BCL2L11: variants seen among roughly 807,000 people sequenced by gnomAD.
BCL2L11 encodes the protein bcl-2-like protein 11.
Under a neutral mutation model 20.6 loss-of-function variants are expected in BCL2L11, and 15 were observed. The observed-to-expected ratio is 0.73, with a 90% confidence interval of 0.49 to 1.12. BCL2L11 has a LOEUF of 1.12. Among genes scored for constraint, BCL2L11 ranks in the 50% most tolerant of loss-of-function variants. The pLI is 0.00. For synonymous variants in BCL2L11, 108 were observed against 92.8 expected (o/e 1.16, Z -0.94); for missense variants, 292 against 260.9 (o/e 1.12, Z -0.82).
chr2:111,154,353 G>GAAAAA (rs556911619), intron 3 of BCL2L11, among the ~76,000 whole-genome samples: 7 of 104,492 alleles, frequency 6.7e-5, no homozygotes, highest in African/African-American at 2.0e-4. Context: ...GCCCTTCTCA[G>GAAAAA]AAAAAAAAAA....
At chr2:111,128,237 C>T (rs182668253) in intron 2 of BCL2L11, among the ~76,000 whole-genome samples, 4 of 152,146 alleles carry the variant, frequency 2.6e-5, no homozygotes, top group Admixed American at 6.5e-5. Flanking sequence ...AGCGTAATGT[C>T]GTCAGGGTTC....
chr2:111,137,002 C>T (rs1338784943), intron 2 of BCL2L11, among the ~76,000 whole-genome samples: 1 of 152,202 alleles, frequency 6.6e-6, no homozygotes, highest in Non-Finnish European at 1.5e-5. Flanking sequence ...GTGTGTGACT[C>T]TCATGGTGTG....
chr2:111,129,825 C>T (rs1340243763), intron 2 of BCL2L11, among the ~76,000 whole-genome samples: 1 of 152,200 alleles, frequency 6.6e-6, no homozygotes, highest in African/African-American at 2.4e-5. Context: ...CATATCTGTA[C>T]TTTTGTCATT....
intron 2 of BCL2L11, chr2:111,131,416 A>G (rs966861760): frequency 3.3e-5 from 5 of 152,248 alleles, no homozygotes; most frequent in Non-Finnish European, 7.4e-5. Flanking sequence ...TAGCATTCCA[A>G]TATTTTTAAT....
intron 2 of BCL2L11, among the ~76,000 whole-genome samples, chr2:111,147,060 G>GT (rs950158959): frequency 3.3e-5 from 5 of 152,116 alleles, no homozygotes. Flanking sequence ...GTAATTTATA[G>GT]TATCTATTTC....
intron 2 of BCL2L11, chr2:111,144,547 G>A (rs114702002): frequency 0.018 from 28,004 of 1,549,116 alleles, 313 homozygotes; most frequent in Non-Finnish European, 0.02. Context: ...AACATAAGGG[G>A]GCTGGTCTGT....
chr2:111,126,853 G>A (rs931709905), intron 2 of BCL2L11, among the ~76,000 whole-genome samples: 3 of 152,144 alleles, frequency 2.0e-5, no homozygotes, highest in African/African-American at 7.2e-5. Flanking sequence ...CTTAGCCAGG[G>A]GCTCCTTTAG....
At chr2:111,160,828 T>C (rs1274380959) in intron 3 of BCL2L11, among the ~76,000 whole-genome samples, 1 of 152,180 alleles carries the variant, frequency 6.6e-6, no homozygotes, top group Non-Finnish European at 1.5e-5. Flanking sequence ...TAAAACAGAG[T>C]TACCCAACTC....
At position 111,162,289 on chromosome 2, in the gene BCL2L11, G is replaced by T. The variant is rs939006636; in HGVS notation, c.499-1844G>T. Among the ~76,000 whole-genome samples the T allele has an allele frequency of 8.5e-5, 13 of 152,272 alleles. No homozygotes were observed. In the South Asian group the frequency reaches 2.1e-3, roughly 24 times the overall value. ...AAGCGTGTGCCATGTTGTCATGCCC[G>T]CCGTCTGAGAGGGCAGGCATCCCCG... On this transcript the variant is annotated intron_variant, in intron 3 of 3. Coordinates refer to ENST00000393256, the MANE Select transcript of BCL2L11 (RefSeq NM_138621.5).
rs1023239869 is a variant in BCL2L11 at position 111,167,509 on chromosome 2, T to A, written c.*3278T>A. 3 of 152,266 alleles carry A rather than the reference T, an allele frequency of 2.0e-5. No homozygotes were observed. The highest frequency in any genetic ancestry group is 4.4e-5 in the Non-Finnish European group (3 of 68,048). The allele number at this position is 152,266 out of a possible 1,614,324, so 9.4% of individuals were successfully genotyped here. A position where few individuals can be genotyped will look rare whatever the true frequency, so the allele number is the denominator to read the frequency against. ...TATCAGCAGGTGGGAAAGATTTTTC[T>A]ATTGAAAATTTATCCCTGACAACTC... On this transcript the variant is annotated 3_prime_UTR_variant, in exon 4 of 4. Transcript: ENST00000393256.
chr2:111,161,302 GAT>G, intron 3 of BCL2L11: 1 of 1,297,676 alleles, frequency 7.7e-7, no homozygotes, highest in Non-Finnish European at 1.1e-6. Flanking sequence ...CATCTTCCCT[GAT>G]TGTATTTATT....
intron 3 of BCL2L11, among the ~76,000 whole-genome samples, chr2:111,163,861 C>CTTTTTTTTTTTTT (rs10547953): frequency 6.7e-5 from 7 of 104,706 alleles, no homozygotes; most frequent in Non-Finnish European, 7.7e-5. Flanking sequence ...TTTTTGAGTG[C>CTTTTTTTTTTTTT]TTTTTTTTTT....
chr2:111,123,497 C>G (rs187803614), intron 1 of BCL2L11: 5 of 985,328 alleles, frequency 5.1e-6, no homozygotes, highest in Non-Finnish European at 6.0e-6. Flanking sequence ...TGCACCAGTT[C>G]CGCAAGCTGT....
chr2:111,150,685 G>A (rs9308731), intron 3 of BCL2L11, among the ~76,000 whole-genome samples: 88,634 of 152,108 alleles, frequency 0.58, 27,418 homozygotes, highest in African/African-American at 0.79. Flanking sequence ...TTAGGAGGCC[G>A]CTAATCAATA....
chr2:111,124,008 T>A lies in BCL2L11; in HGVS notation c.263T>A (p.Leu88Gln). Residue 88 changes from leucine to glutamine, a missense_variant, in exon 2 of 4, where the codon CTG becomes CAG. Transcript: ENST00000393256. ...PLFIFMRRSSLLSRSSSGYFS... is the reference protein window; with the variant it reads ...PLFIFMRRSSQLSRSSSGYFS... ...TTCATCTTTATGAGAAGATCCTCCCTGCTGTCTCGATCCTCCAGTGGGTAT... is the reference window on the plus strand; with the variant it reads ...TTCATCTTTATGAGAAGATCCTCCCAGCTGTCTCGATCCTCCAGTGGGTAT... The A allele has an allele frequency of 6.2e-7, 1 of 1,614,234 alleles. No homozygotes were observed.
At chr2:111,143,279 T>TGGCAGAACACCAGG (rs1202552732) in intron 2 of BCL2L11, among the ~76,000 whole-genome samples, 1 of 152,198 alleles carries the variant, frequency 6.6e-6, no homozygotes, top group Non-Finnish European at 1.5e-5. Context: ...AGAAGAACAC[T>TGGCAGAACACCAGG]GGCAGAACAC....
Position 111,120,938 on chromosome 2 carries a change from T to C in BCL2L11, c.-264T>C. The C allele has an allele frequency of 2.8e-6, 1 of 360,854 alleles. No individual in the cohort carries two copies. The highest frequency in any genetic ancestry group is 4.9e-6 in the Non-Finnish European group (1 of 204,802). The allele number at this position is 360,854 out of a possible 1,614,324, so 22.4% of individuals were successfully genotyped here. A position where few individuals can be genotyped will look rare whatever the true frequency, so the allele number is the denominator to read the frequency against. On this transcript the variant is annotated 5_prime_UTR_variant, in exon 1 of 4. Transcript: ENST00000393256. The stretch of plus-strand genomic sequence containing the variant: ...CACTTCGCTCCGCGCAGCCGCCTGG[T>C]CTGCAGTTTGTTGGAGCTCTGCGTC...
chr2:111,123,203 AACTCTATTG>A (rs1169633026), intron 1 of BCL2L11: 1 of 985,330 alleles, frequency 1.0e-6, no homozygotes, highest in African/African-American at 1.7e-5. Flanking sequence ...TGGAGTTACA[AACTCTATTG>A]TGACGCACTT....
At chr2:111,144,348 C>G in intron 2 of BCL2L11, 3 of 897,756 alleles carry the variant, frequency 3.3e-6, no homozygotes, top group South Asian at 3.1e-5. Context: ...GAGAAATAGA[C>G]CTGGAGGGAG....
Sources: allele counts gnomAD v4.1 joint callset (sites outside exome capture counted in the v4.1 genomes callset), GRCh38; gene constraint gnomAD v4.1.1; transcripts MANE v1.5; gene names NCBI Gene and HGNC (gene_info 2026-07-23, HGNC 2026-07-21).